Variants in GALNTL6 observed in about 807,000 individuals in gnomAD.
GALNTL6 encodes polypeptide N-acetylgalactosaminyltransferase-like 6.
In GALNTL6, 46 loss-of-function variants were observed where a neutral mutation model predicts 73.7. The observed-to-expected ratio is 0.62, with a 90% CI of 0.49 to 0.80. The LOEUF is 0.80. GALNTL6 is among the 30% of genes least tolerant of loss of function. The pLI is 0.00. For synonymous variants in GALNTL6, 259 were observed against 263.7 expected (o/e 0.98, Z 0.17); for missense variants, 604 against 755.0 (o/e 0.80, Z 2.34).
At chr4:172,868,061 T>C (rs562323261) in intron 7 of GALNTL6, among the ~76,000 whole-genome samples, 1 of 152,370 alleles carries the variant, frequency 6.6e-6, no homozygotes, top group African/African-American at 2.4e-5. Context: ...GCTCTGTTTG[T>C]GTATTATCAG....
intron 5 of GALNTL6, among the ~76,000 whole-genome samples, chr4:172,440,308 G>T (rs1489690681): frequency 1.3e-5 from 2 of 151,946 alleles, no homozygotes; most frequent in African/African-American, 2.4e-5. Flanking sequence ...GTGCTAAAAA[G>T]ATATGAAATA....
At chr4:172,356,511 C>CT (rs1742167324) in intron 5 of GALNTL6, among the ~76,000 whole-genome samples, 1 of 152,132 alleles carries the variant, frequency 6.6e-6, no homozygotes, top group South Asian at 2.1e-4. Flanking sequence ...AATTATAACA[C>CT]TTACTCAATA....
In GALNTL6 at chr4:172,809,110, T is replaced by C. The variant is rs1201824777; in HGVS notation, c.554-251T>C. ...ACACGCTGCAGCTGTCAGCCAGCAG[T>C]AACTGCATAACAGACCTCTGGCATG... On this transcript the variant is annotated intron_variant, in intron 5 of 12. Transcript: ENST00000506823. This position sits in a 1 kb window ranked among gnomAD's most constrained non-coding sequence, Gnocchi z 4.4. 2.0e-5 allele frequency among the ~76,000 whole-genome samples: 3 copies of C among 152,184 alleles called. No individual in the cohort carries two copies. Among genetic ancestry groups the C allele is most frequent in the Non-Finnish European group, 4.4e-5 (3 of 68,034 alleles).
At chr4:172,840,640 A>G (rs1290289909) in intron 7 of GALNTL6, among the ~76,000 whole-genome samples, 1 of 152,242 alleles carries the variant, frequency 6.6e-6, no homozygotes, top group Non-Finnish European at 1.5e-5. Flanking sequence ...ACAGGCTTAG[A>G]GTTCATTGTG....
rs370361951 is a variant in GALNTL6, at chr4:171,875,883, A to G, written c.138+61165A>G. Among the ~76,000 whole-genome samples the G allele has an allele frequency of 4.0e-5, 6 of 151,774 alleles. No homozygotes were observed. In the East Asian group the frequency reaches 5.8e-4, roughly 15 times the overall value. ...ATCTGCCTACTCTAACAATAAGATT[A>G]CAGACTAAAACCCTGGGGTTAAAAA... On this transcript the variant is annotated intron_variant, in intron 2 of 12. Coordinates refer to ENST00000506823, the MANE Select transcript of GALNTL6 (RefSeq NM_001034845.3).
intron 3 of GALNTL6, among the ~76,000 whole-genome samples, chr4:172,290,765 A>G (rs1020676918): frequency 6.6e-6 from 1 of 151,834 alleles, no homozygotes; most frequent in Non-Finnish European, 1.5e-5. Flanking sequence ...AATAATTTAT[A>G]TATGTATTCA....
At chr4:172,061,370 A>C (rs1731194614) in intron 2 of GALNTL6, among the ~76,000 whole-genome samples, 1 of 152,202 alleles carries the variant, frequency 6.6e-6, no homozygotes, top group African/African-American at 2.4e-5. Flanking sequence ...CTAGTCCTCC[A>C]GTAGTTCATG....
At chr4:172,967,881 T>A (rs1036123797) in intron 10 of GALNTL6, among the ~76,000 whole-genome samples, 2 of 152,168 alleles carry the variant, frequency 1.3e-5, no homozygotes, top group African/African-American at 4.8e-5. Flanking sequence ...ACTACTGTAG[T>A]TTTGTTTTGA....
intron 2 of GALNTL6, among the ~76,000 whole-genome samples, chr4:172,198,650 G>A (rs898381867): frequency 6.6e-6 from 1 of 152,130 alleles, no homozygotes; most frequent in Non-Finnish European, 1.5e-5. Context: ...AGAGTTAAAA[G>A]TGTTGCCAGT....
intron 10 of GALNTL6, among the ~76,000 whole-genome samples, chr4:173,003,305 A>C (rs1455184814): frequency 6.6e-6 from 1 of 152,114 alleles, no homozygotes; most frequent in Non-Finnish European, 1.5e-5. Context: ...GTGGCGCTCA[A>C]ATTGCCAAAT....
chr4:172,051,159 T>A (rs1730846915), intron 2 of GALNTL6, among the ~76,000 whole-genome samples: 1 of 152,112 alleles, frequency 6.6e-6, no homozygotes, highest in Admixed American at 6.6e-5. Flanking sequence ...TTCAGCACCA[T>A]GCACTTAAAT....
At chr4:172,825,411 G>A (rs1742209056) in intron 7 of GALNTL6, among the ~76,000 whole-genome samples, 1 of 152,106 alleles carries the variant, frequency 6.6e-6, no homozygotes, top group Non-Finnish European at 1.5e-5. Flanking sequence ...CTTCACTGAT[G>A]GAGCTCGATG....
intron 2 of GALNTL6, among the ~76,000 whole-genome samples, chr4:172,173,280 T>A (rs889395717): frequency 6.6e-6 from 1 of 152,094 alleles, no homozygotes; most frequent in Non-Finnish European, 1.5e-5. Context: ...TTAAAGTGAG[T>A]CTTAAATGAC....
At chr4:172,359,701 TG>T in intron 5 of GALNTL6, among the ~76,000 whole-genome samples, 1 of 152,236 alleles carries the variant, frequency 6.6e-6, no homozygotes, top group East Asian at 1.9e-4. Flanking sequence ...AACTGCCCCA[TG>T]GATCCCACAT....
chr4:172,053,123 C>T (rs1475808847), intron 2 of GALNTL6, among the ~76,000 whole-genome samples: 1 of 152,092 alleles, frequency 6.6e-6, no homozygotes, highest in Non-Finnish European at 1.5e-5. Context: ...TAAATGAACT[C>T]ACGTCTAATT....
intron 7 of GALNTL6, among the ~76,000 whole-genome samples, chr4:172,855,361 T>C (rs1166422023): frequency 1.3e-5 from 2 of 152,194 alleles, no homozygotes; most frequent in African/African-American, 2.4e-5. Context: ...AAGATATATA[T>C]ACTTAATAAT....
At chr4:172,891,110 G>A (rs183420782) in intron 8 of GALNTL6, among the ~76,000 whole-genome samples, 19 of 143,194 alleles carry the variant, frequency 1.3e-4, no homozygotes, top group African/African-American at 5.4e-4. Flanking sequence ...GAAGACAGCA[G>A]AAGGTTGGGC....
intron 2 of GALNTL6, among the ~76,000 whole-genome samples, chr4:172,036,122 A>T (rs1045457713): frequency 6.6e-6 from 1 of 152,106 alleles, no homozygotes; most frequent in Non-Finnish European, 1.5e-5. Context: ...TCTCTAAAGC[A>T]TAAGTCATCA....
chr4:172,665,160 A>G (rs750012337), intron 5 of GALNTL6, among the ~76,000 whole-genome samples: 1 of 152,146 alleles, frequency 6.6e-6, no homozygotes, highest in Non-Finnish European at 1.5e-5. Context: ...ACTAATCATT[A>G]AGCCAAAGCC....
Sources: allele counts gnomAD v4.1 joint callset (sites outside exome capture counted in the v4.1 genomes callset), GRCh38; gene constraint gnomAD v4.1.1; non-coding constraint Gnocchi (gnomAD v3.1); transcripts MANE v1.5; gene names NCBI Gene and HGNC (gene_info 2026-07-23, HGNC 2026-07-21).